Variants in PCDH15 observed in about 807,000 individuals in gnomAD.
PCDH15 encodes the protein protocadherin related 15, also known as protocadherin-15.
A neutral mutation model predicts 178.5 loss-of-function variants in PCDH15; 129 were observed. The observed-to-expected ratio is 0.72, with a 90% CI of 0.63 to 0.84. The LOEUF (loss-of-function observed/expected upper bound fraction) is 0.84, where lower values mean the gene tolerates loss of function less well. PCDH15 is among the 40% of genes least tolerant of loss of function. The pLI is 0.00. For missense variants in PCDH15, 2,230 were observed against 2,099.9 expected, an observed-to-expected ratio of 1.06 and a Z score of -1.21; for synonymous variants, 800 against 732.0, an observed-to-expected ratio of 1.09 and a Z score of -1.50.
At chr10:54,422,189 C>A (rs183360665) in intron 3 of PCDH15, among the ~76,000 whole-genome samples, 9 of 151,880 alleles carry the variant, frequency 5.9e-5, no homozygotes, top group Admixed American at 3.9e-4. Context: ...TAATAAGCAG[C>A]ACTTGATTTC....
intron 2 of PCDH15, among the ~76,000 whole-genome samples, chr10:55,329,526 A>C (rs1386531868): frequency 1.3e-5 from 2 of 151,760 alleles, no homozygotes; most frequent in Admixed American, 6.6e-5. Context: ...GAAATGCAAA[A>C]GGTGTTTAGG....
intron 2 of PCDH15, among the ~76,000 whole-genome samples, chr10:55,333,037 T>C (rs1844253446): frequency 6.6e-6 from 1 of 152,120 alleles, no homozygotes; most frequent in South Asian, 2.1e-4. Flanking sequence ...TTTTACTAGC[T>C]AATAAAACAC....
intron 2 of PCDH15, among the ~76,000 whole-genome samples, chr10:55,138,420 A>G (rs116112527): frequency 0.022 from 3,321 of 152,188 alleles, 58 homozygotes; most frequent in Non-Finnish European, 0.039. Flanking sequence ...ACTCTAATAG[A>G]GTATTCTTGA....
chr10:54,292,190 C>A (rs1013643104), intron 8 of PCDH15, among the ~76,000 whole-genome samples: 1 of 152,128 alleles, frequency 6.6e-6, no homozygotes. Flanking sequence ...TAAATGTAAT[C>A]CATCACATAA....
intron 8 of PCDH15, among the ~76,000 whole-genome samples, 171 bp downstream of exon 8, chr10:54,317,100 G>T (rs2061324486): frequency 6.6e-6 from 1 of 152,128 alleles, no homozygotes; most frequent in Admixed American, 6.6e-5. Context: ...ATTACTCTTT[G>T]TGTTAAAAAT....
intron 2 of PCDH15, among the ~76,000 whole-genome samples, chr10:55,078,103 G>T (rs956374365): frequency 6.6e-6 from 1 of 151,966 alleles, no homozygotes; most frequent in Admixed American, 6.6e-5. Context: ...GTATCCTTGG[G>T]TAGAATTTTT....
intron 26 of PCDH15, among the ~76,000 whole-genome samples, chr10:53,882,910 T>A (rs959648547): frequency 4.6e-5 from 7 of 152,170 alleles, no homozygotes. Context: ...TGCTTTGTGC[T>A]TCTTGCTTTT....
rs543690289 is a variant in PCDH15, at chr10:54,706,696, T to G, written c.-28-42406A>C. 3.9e-5 allele frequency among the ~76,000 whole-genome samples: 6 copies of G among 152,290 alleles called. No homozygotes were observed. The East Asian group carries it at 1.2e-3, about 29-fold the overall frequency. Reference sequence around the variant, plus strand: ...TGTAGTGCAGTGGCGCGATCTCGGCTCATTGCAACGTCCGCCTCCCAGGTT... The same window carrying G: ...TGTAGTGCAGTGGCGCGATCTCGGCGCATTGCAACGTCCGCCTCCCAGGTT... On this transcript the variant is annotated intron_variant, in intron 1 of 37. Transcript: ENST00000644397.
intron 5 of PCDH15, among the ~76,000 whole-genome samples, chr10:54,360,448 C>T (rs972993641): frequency 7.2e-5 from 11 of 152,084 alleles, no homozygotes; most frequent in South Asian, 4.2e-4. Flanking sequence ...GTGTGGTGAG[C>T]GGCAGGACCT....
Position 54,230,654 on chromosome 10 carries a change from A to C in PCDH15, c.985+6169T>G, listed in dbSNP as rs181954930. Among the ~76,000 whole-genome samples, 39 of 152,252 alleles carry C rather than the reference A, an allele frequency of 2.6e-4. No individual in the cohort carries two copies. In the East Asian group the frequency reaches 7.1e-3, roughly 28 times the overall value. On this transcript the variant is annotated intron_variant, in intron 9 of 37. Coordinates refer to ENST00000644397, the MANE Select transcript of PCDH15 (RefSeq NM_001384140.1). ...TACCACAGTTAATGAAGGTTGATAAAAAAATTTAAACCAAGGTTTCTGGCT... is the reference window on the plus strand; with the variant it reads ...TACCACAGTTAATGAAGGTTGATAACAAAATTTAAACCAAGGTTTCTGGCT...
At chr10:54,387,642 A>T (rs1950082148) in intron 3 of PCDH15, among the ~76,000 whole-genome samples, 2 of 152,162 alleles carry the variant, frequency 1.3e-5, no homozygotes, top group African/African-American at 4.8e-5. Flanking sequence ...ACATCCAGAC[A>T]ATGAGATGCA....
At chr10:54,722,083 G>A (rs934230921) in intron 1 of PCDH15, among the ~76,000 whole-genome samples, 3 of 151,508 alleles carry the variant, frequency 2.0e-5, no homozygotes, top group Non-Finnish European at 4.4e-5. Context: ...AATAAATACG[G>A]TTTACCACAT....
intron 1 of PCDH15, among the ~76,000 whole-genome samples, chr10:54,691,204 T>G (rs1252633051): frequency 6.6e-6 from 1 of 152,142 alleles, no homozygotes; most frequent in Admixed American, 6.6e-5. Flanking sequence ...TATTTCCTAC[T>G]TTTATGTTTG....
chr10:55,067,380 T>A (rs1391755605), intron 2 of PCDH15, among the ~76,000 whole-genome samples: 3 of 152,038 alleles, frequency 2.0e-5, no homozygotes, highest in Admixed American at 6.6e-5. Flanking sequence ...AACCTCCAGT[T>A]CCATTCACGT....
intron 1 of PCDH15, chr10:55,166,714 C>T (rs1471233506): frequency 6.6e-6 from 1 of 152,134 alleles, no homozygotes; most frequent in Non-Finnish European, 1.5e-5. Context: ...TAGTGCAAAA[C>T]ATAGGAGCAA....
At chr10:55,619,594 C>T (rs937100717) in intron 2 of PCDH15, among the ~76,000 whole-genome samples, 10 of 151,850 alleles carry the variant, frequency 6.6e-5, no homozygotes, top group South Asian at 2.1e-4. Flanking sequence ...TGTAAAGTTA[C>T]GAGAATCAAA....
At chr10:54,149,155 T>A (rs529268469) in intron 14 of PCDH15, among the ~76,000 whole-genome samples, 1 of 152,214 alleles carries the variant, frequency 6.6e-6, no homozygotes, top group East Asian at 1.9e-4. Flanking sequence ...GTGGGATGAC[T>A]TCTTGGTACT....
rs113453535 is a variant in PCDH15 at position 54,207,511 on chromosome 10, A to T, written c.1098+6425T>A. ...CATTAAAACAAAAGTTGTAAAAGGT[A>T]AAGTTTTTAGACTGACTTCTTTTTG... On this transcript the variant is annotated intron_variant, in intron 10 of 37. Transcript: ENST00000644397. 2.3e-3 allele frequency among the ~76,000 whole-genome samples: 344 copies of T among 152,134 alleles called. 1 individual carries two copies. Among genetic ancestry groups the T allele is most frequent in the African/African-American group, 8.0e-3 (333 of 41,526 alleles).
At chr10:53,923,864 T>A (rs544656678) in intron 25 of PCDH15, among the ~76,000 whole-genome samples, 135 of 152,360 alleles carry the variant, frequency 8.9e-4, no homozygotes, top group African/African-American at 3.2e-3. Context: ...TCTTTTCCTC[T>A]CATTCACTAA....
Sources: allele counts gnomAD v4.1 joint callset (sites outside exome capture counted in the v4.1 genomes callset), GRCh38; gene constraint gnomAD v4.1.1; transcripts MANE v1.5; gene names NCBI Gene and HGNC (gene_info 2026-07-23, HGNC 2026-07-21).